The following CACNA1B variants were observed in gnomAD, a reference collection of about 807,000 sequenced individuals.
The protein encoded by CACNA1B is voltage-dependent N-type calcium channel subunit alpha-1B.
Under a neutral mutation model 247.2 loss-of-function variants are expected in CACNA1B, and 70 were observed. The observed-to-expected ratio is 0.28, with a 90% CI of 0.23 to 0.35. The LOEUF (loss-of-function observed/expected upper bound fraction) is 0.35. CACNA1B is among the 10% of genes least tolerant of loss of function. The pLI, the probability that CACNA1B is intolerant of heterozygous loss-of-function variation, is 1.00. For missense variants in CACNA1B, 2,367 were observed against 3,197.4 expected (o/e 0.74, Z 6.26); for synonymous variants, 1,231 against 1,294.4 (o/e 0.95, Z 1.05).
chr9:138,009,296 G>A (rs1023332806), intron 16 of CACNA1B, among the ~76,000 whole-genome samples: 1 of 152,222 alleles, frequency 6.6e-6, no homozygotes, highest in African/African-American at 2.4e-5. Context: ...GAGGCAAGGT[G>A]CAGTCCCAGG....
At position 138,120,795 on chromosome 9, in the gene CACNA1B, G is replaced by A; in HGVS notation, c.6403G>A (p.Gly2135Ser). 1.3e-6 allele frequency: 2 copies of A among 1,557,020 alleles called. No homozygotes were observed. The highest frequency in any genetic ancestry group is 1.7e-6 in the Non-Finnish European group (2 of 1,150,884). ...CTTCTACTCCTGCGACCGCTTTGGG[G>A]GCCGTGAGCCCCCGAAGCCCAAGCC... The part of the protein sequence containing the change: ...QRFYSCDRFG[G>S]REPPKPKPSL... The change falls in exon 46 of 47, where the codon GGC becomes AGC. Residue 2135 changes from glycine (G) to serine (S), a missense_variant. By Grantham distance (56) the Gly-to-Ser change is moderately conservative. This residue lies in a region of CACNA1B where 773 missense variants were observed against 779.4 expected (regional missense o/e 0.99). Coordinates refer to ENST00000371372, the MANE Select transcript of CACNA1B (RefSeq NM_000718.4).
intron 20 of CACNA1B, among the ~76,000 whole-genome samples, chr9:138,035,194 C>T (rs1959028150): frequency 6.6e-6 from 1 of 152,254 alleles, no homozygotes; most frequent in South Asian, 2.1e-4. Flanking sequence ...CACAGTGGCT[C>T]ATGCCTGTAA....
chr9:138,104,316 C>A (rs1961351674), intron 38 of CACNA1B, among the ~76,000 whole-genome samples: 1 of 152,184 alleles, frequency 6.6e-6, no homozygotes, highest in South Asian at 2.1e-4. Flanking sequence ...CCTCCAGTGC[C>A]CTGGGCGGAG....
At chr9:138,097,196 G>C (rs1025805839) in intron 37 of CACNA1B, among the ~76,000 whole-genome samples, 2 of 152,114 alleles carry the variant, frequency 1.3e-5, no homozygotes, top group African/African-American at 2.4e-5. Flanking sequence ...CTACCAGGAA[G>C]GCTGTAGTGT....
intron 36 of CACNA1B, among the ~76,000 whole-genome samples, chr9:138,095,902 G>C (rs1274477601): frequency 8.1e-6 from 1 of 123,038 alleles, no homozygotes; most frequent in Non-Finnish European, 1.6e-5. Flanking sequence ...AATAGACAAA[G>C]CCATAGAAAC....
Position 138,057,845 on chromosome 9 carries a change from T to C in CACNA1B, c.4082T>C (p.Val1361Ala). The change falls in exon 27 of 47, where the codon GTG (valine) becomes GCG (alanine). Residue 1361 changes from valine to alanine, a missense_variant. Val to Ala is a moderately conservative substitution (Grantham distance 64, BLOSUM62 0). Coordinates refer to ENST00000371372, the MANE Select transcript of CACNA1B (RefSeq NM_000718.4). This position sits in a 1 kb window ranked among gnomAD's most constrained non-coding sequence, Gnocchi z 4.0. ...TGGGCTCTGCTGACGCTGTTCACAG[T>C]GTCCACGGGAGAAGGCTGGCCCATG... ...VLWALLTLFT[V>A]STGEGWPMVL... 6.2e-7 allele frequency: 1 copy of C among 1,605,988 alleles called. No individual in the cohort carries two copies. Among genetic ancestry groups the C allele is most frequent in the Non-Finnish European group, 8.5e-7 (1 of 1,173,450 alleles).
intron 31 of CACNA1B, among the ~76,000 whole-genome samples, chr9:138,067,865 C>G (rs1486621600): frequency 6.6e-6 from 1 of 152,212 alleles, no homozygotes; most frequent in Non-Finnish European, 1.5e-5. Context: ...CCCCCAGAGG[C>G]ATTTTCACAC....
chr9:138,024,932 C>T lies in CACNA1B; in HGVS notation c.3069-23C>T, dbSNP rs1221068314. 3.9e-6 allele frequency: 6 copies of T among 1,526,968 alleles called. No homozygotes were observed. In the African/African-American group the frequency reaches 8.2e-5, roughly 21 times the overall value. 94.6% of individuals were successfully genotyped at this position (1,526,968 alleles called of 1,614,324 possible). ...CAGGTGTGAGCCACTGCGCCGAGGC[C>T]TGATGTACATTCTTGATTGCAGGGA... is the stretch of plus-strand genomic sequence containing the variant. On this transcript the variant is annotated intron_variant, in intron 19 of 46. Transcript: ENST00000371372.
intron 3 of CACNA1B, among the ~76,000 whole-genome samples, chr9:137,902,281 A>G (rs772590784): frequency 1.6e-4 from 24 of 152,172 alleles, no homozygotes; most frequent in Admixed American, 1.2e-3. Flanking sequence ...GAAGGAAAAC[A>G]CTGCTTCCTC....
At chr9:137,967,692 G>C (rs1958096607) in intron 10 of CACNA1B, among the ~76,000 whole-genome samples, 1 of 148,604 alleles carries the variant, frequency 6.7e-6, no homozygotes, top group Non-Finnish European at 1.5e-5. Context: ...CCCACTGCAA[G>C]TGTCTCTCTC....
intron 20 of CACNA1B, among the ~76,000 whole-genome samples, chr9:138,037,391 G>T (rs1959059573): frequency 6.6e-6 from 1 of 152,188 alleles, no homozygotes; most frequent in Non-Finnish European, 1.5e-5. Flanking sequence ...GGGCTCAGTG[G>T]CTCACATGTG....
chr9:137,962,599 A>C (rs1958032797), intron 10 of CACNA1B, among the ~76,000 whole-genome samples: 1 of 152,044 alleles, frequency 6.6e-6, no homozygotes, highest in South Asian at 2.1e-4. Flanking sequence ...TGTTCTCATT[A>C]GTTTCAAAGA....
At chr9:137,966,417 C>T (rs1958076928) in intron 10 of CACNA1B, among the ~76,000 whole-genome samples, 1 of 151,392 alleles carries the variant, frequency 6.6e-6, no homozygotes, top group African/African-American at 2.4e-5. Context: ...TTAGCAGAGA[C>T]TGGGTTTCAC....
intron 31 of CACNA1B, among the ~76,000 whole-genome samples, chr9:138,062,150 G>A (rs1959747601): frequency 6.6e-6 from 1 of 152,058 alleles, no homozygotes; most frequent in South Asian, 2.1e-4. Context: ...ATCCTGACCA[G>A]CCGTTTGTGC....
chr9:138,118,857 G>A (rs1447551588), intron 44 of CACNA1B, 89 bp downstream of exon 44: 3 of 668,340 alleles, frequency 4.5e-6, no homozygotes, highest in Non-Finnish European at 7.9e-6. Flanking sequence ...TGCAGGTGAG[G>A]AGAGCTGGGG....
At chr9:137,935,855 GCCC>G (rs1957660786) in intron 6 of CACNA1B, among the ~76,000 whole-genome samples, 1 of 151,490 alleles carries the variant, frequency 6.6e-6, no homozygotes, top group Non-Finnish European at 1.5e-5. Context: ...GCTCACTGCC[GCCC>G]AGGCCGGAGT....
intron 26 of CACNA1B, among the ~76,000 whole-genome samples, chr9:138,055,764 C>T (rs1423055981): frequency 6.6e-6 from 1 of 152,158 alleles, no homozygotes; most frequent in Non-Finnish European, 1.5e-5. Context: ...CGGTGGCTCA[C>T]GCCTGTAATC....
chr9:137,999,530 A>G (rs1958540208), intron 15 of CACNA1B, among the ~76,000 whole-genome samples: 1 of 152,146 alleles, frequency 6.6e-6, no homozygotes, highest in African/African-American at 2.4e-5. Flanking sequence ...TACTCTTAAA[A>G]AAAAAAGTGT....
intron 3 of CACNA1B, among the ~76,000 whole-genome samples, chr9:137,893,036 A>G (rs1957124995): frequency 6.6e-6 from 1 of 152,116 alleles, no homozygotes; most frequent in African/African-American, 2.4e-5. Flanking sequence ...GCTCTGTGCC[A>G]TCTCCAGTGA....
Sources: gnomAD v4.1 joint callset for allele counts (sites outside exome capture counted in the v4.1 genomes callset) on GRCh38, gnomAD v4.1.1 for gene constraint, gnomAD v4.1.1 regional missense constraint, Gnocchi (gnomAD v3.1) non-coding constraint, MANE v1.5 for transcripts, NCBI Gene and HGNC (gene_info 2026-07-23, HGNC 2026-07-21) for gene names.